The following DACH1 variants were observed in gnomAD, a reference collection of about 807,000 sequenced individuals.
The protein encoded by DACH1 is dachshund homolog 1.
A neutral mutation model predicts 54.2 loss-of-function variants in DACH1; 12 were observed. The ratio of observed to expected loss-of-function variants is 0.22; its 90% confidence interval spans 0.14 to 0.36. The LOEUF (loss-of-function observed/expected upper bound fraction) is 0.36. Among genes scored for constraint, DACH1 ranks in the 10% least tolerant of loss-of-function variants. The pLI, the probability that DACH1 is intolerant of heterozygous loss-of-function variation, is 1.00. For synonymous variants in DACH1, 386 were observed against 366.2 expected, an observed-to-expected ratio of 1.05 and a Z score of -0.62; for missense variants, 805 against 929.8, an observed-to-expected ratio of 0.87 and a Z score of 1.75.
chr13:71,720,627 T>C (rs1327106394), intron 1 of DACH1, among the ~76,000 whole-genome samples: 1 of 152,186 alleles, frequency 6.6e-6, no homozygotes, highest in Non-Finnish European at 1.5e-5. Context: ...GAAATATGAA[T>C]CCTTTGCCTG....
intron 1 of DACH1, among the ~76,000 whole-genome samples, chr13:71,726,110 T>C (rs924435474): frequency 6.6e-5 from 10 of 152,114 alleles, no homozygotes; most frequent in African/African-American, 2.2e-4. Flanking sequence ...ATCTCAGCTA[T>C]GGACCAAGAC....
intron 1 of DACH1, among the ~76,000 whole-genome samples, chr13:71,784,290 A>G (rs1886505105): frequency 6.6e-6 from 1 of 152,110 alleles, no homozygotes; most frequent in South Asian, 2.1e-4. Flanking sequence ...GGCACTCAGT[A>G]AACAGTGCTT....
intron 1 of DACH1, among the ~76,000 whole-genome samples, chr13:71,730,196 A>G (rs1364510655): frequency 6.6e-6 from 1 of 152,120 alleles, no homozygotes; most frequent in Non-Finnish European, 1.5e-5. Flanking sequence ...AACTTAAAGT[A>G]TAATAATAAT....
At chr13:71,489,887 C>G (rs1878845438) in intron 6 of DACH1, among the ~76,000 whole-genome samples, 1 of 152,078 alleles carries the variant, frequency 6.6e-6, no homozygotes, top group Non-Finnish European at 1.5e-5. Context: ...TCAAAATAAA[C>G]TAGTCTTATT....
chr13:71,460,419 T>C (rs1364125223), intron 10 of DACH1, among the ~76,000 whole-genome samples: 2 of 152,080 alleles, frequency 1.3e-5, no homozygotes, highest in Non-Finnish European at 2.9e-5. Context: ...ATGTAGAAAC[T>C]AAGCTAAATA....
intron 1 of DACH1, among the ~76,000 whole-genome samples, chr13:71,764,619 TAA>T (rs1324815630): frequency 3.0e-4 from 45 of 152,206 alleles, no homozygotes; most frequent in Non-Finnish European, 6.0e-4. Context: ...CACTAGGGTA[TAA>T]GTCTCGTAAG....
At chr13:71,557,216 AG>A in intron 5 of DACH1, 58 bp from the exon 6 acceptor site, 1 of 1,501,706 alleles carries the variant, frequency 6.7e-7, no homozygotes, top group Non-Finnish European at 8.9e-7. Context: ...ATAACACACA[AG>A]GTTCCAATAA....
chr13:71,492,085 G>T (rs1005074253), intron 6 of DACH1, among the ~76,000 whole-genome samples: 8 of 150,390 alleles, frequency 5.3e-5, no homozygotes, highest in African/African-American at 1.7e-4. Context: ...GTAATTTCTT[G>T]TTTTTTTTTG....
intron 3 of DACH1, among the ~76,000 whole-genome samples, chr13:71,600,529 A>G (rs1874416805): frequency 6.6e-6 from 1 of 152,022 alleles, no homozygotes; most frequent in Non-Finnish European, 1.5e-5. Flanking sequence ...ATACAAGTAT[A>G]CATGCATATT....
intron 1 of DACH1, among the ~76,000 whole-genome samples, chr13:71,802,983 C>T (rs550168788): frequency 3.3e-5 from 5 of 152,010 alleles, no homozygotes; most frequent in East Asian, 1.9e-4. Context: ...ATTTACCCAG[C>T]GTTTATAGAA....
chr13:71,681,828 C>T lies in DACH1; in HGVS notation c.931G>A (p.Gly311Ser). 1 of 1,613,840 alleles carries T rather than the reference C, an allele frequency of 6.2e-7. No homozygotes were observed. The highest frequency in any genetic ancestry group is 8.5e-7 in the Non-Finnish European group (1 of 1,179,860). ...NSHIMPHSVP[G>S]LMSPGIIPPT... is the part of the protein sequence containing the mutation. ...GGAATTATCCCAGGAGACATGAGAC[C>T]AGGGACAGAATGCGGCATGATGTGA... Residue 311 changes from glycine (G) to serine (S), a missense_variant, in exon 2 of 11, where the codon GGT (glycine) becomes AGT (serine). Transcript: ENST00000613252.
intron 1 of DACH1, among the ~76,000 whole-genome samples, chr13:71,687,855 C>T (rs577734679): frequency 1.4e-4 from 22 of 152,250 alleles, no homozygotes; most frequent in African/African-American, 3.6e-4. Flanking sequence ...GCTATCCACC[C>T]GCTTCAGCCT....
At chr13:71,442,116 A>G (rs1874058995) in intron 10 of DACH1, among the ~76,000 whole-genome samples, 2 of 152,032 alleles carry the variant, frequency 1.3e-5, no homozygotes. Context: ...TTGTGCTATC[A>G]AATGTTAGAT....
intron 1 of DACH1, among the ~76,000 whole-genome samples, chr13:71,764,246 T>C (rs527863059): frequency 6.6e-6 from 1 of 152,190 alleles, no homozygotes; most frequent in African/African-American, 2.4e-5. Flanking sequence ...AGAAATACAG[T>C]ACAGTTAACC....
At chr13:71,742,672 T>C (rs1213032989) in intron 1 of DACH1, among the ~76,000 whole-genome samples, 1 of 152,192 alleles carries the variant, frequency 6.6e-6, no homozygotes, top group Non-Finnish European at 1.5e-5. Flanking sequence ...CAGCCTCTTC[T>C]AAATGTCACC....
chr13:71,502,886 T>C (rs903649080), intron 6 of DACH1, among the ~76,000 whole-genome samples: 4 of 152,250 alleles, frequency 2.6e-5, no homozygotes, highest in Admixed American at 6.5e-5. Context: ...TACTTTGCTC[T>C]GATAAGCTGG....
At position 71,548,958 on chromosome 13, in the gene DACH1, T is replaced by G. The variant is rs186389986; in HGVS notation, c.1570+8066A>C. On this transcript the variant is annotated intron_variant, in intron 6 of 10. Coordinates refer to ENST00000613252, the MANE Select transcript of DACH1 (RefSeq NM_080759.6). ...AGAAAGAAAAAGAAAAAGTTTCAAT[T>G]TGGGGTAAATTCTCACTCAAATAGA... Among the ~76,000 whole-genome samples the G allele has an allele frequency of 6.1e-3, 929 of 151,946 alleles. 13 individuals are homozygous for G. The highest frequency in any genetic ancestry group is 0.018 in the South Asian group (87 of 4,800).
intron 1 of DACH1, among the ~76,000 whole-genome samples, chr13:71,851,716 A>T (rs975542922): frequency 1.3e-5 from 2 of 152,158 alleles, no homozygotes; most frequent in Admixed American, 1.3e-4. Flanking sequence ...CAATATTGCT[A>T]GATAGCTCAA....
At chr13:71,686,257 A>C (rs1431578242) in intron 1 of DACH1, among the ~76,000 whole-genome samples, 7 of 152,200 alleles carry the variant, frequency 4.6e-5, no homozygotes, top group Non-Finnish European at 2.9e-5. Context: ...TAAAAGAGGA[A>C]AGCAATAGCT....
Sources: gnomAD v4.1 joint callset for allele counts (sites outside exome capture counted in the v4.1 genomes callset) on GRCh38, gnomAD v4.1.1 for gene constraint, MANE v1.5 for transcripts, NCBI Gene and HGNC (gene_info 2026-07-23, HGNC 2026-07-21) for gene names.